DDX10: variants seen among roughly 807,000 people sequenced by gnomAD.
DDX10 encodes the protein probable ATP-dependent RNA helicase DDX10.
In DDX10, 74 loss-of-function variants were observed where a neutral mutation model predicts 104.3. The observed-to-expected ratio is 0.71, with a 90% CI of 0.59 to 0.86. The LOEUF is 0.86. Ranked by LOEUF, DDX10 falls within the 40% of genes least tolerant of loss-of-function variation. DDX10 has a pLI of 0.00. For synonymous variants in DDX10, 351 were observed against 353.4 expected, an observed-to-expected ratio of 0.99 and a Z score of 0.08; for missense variants, 952 against 1,040.0, an observed-to-expected ratio of 0.92 and a Z score of 1.16.
At chr11:108,669,169 CT>C (rs2094213891) in intron 1 of DDX10, among the ~76,000 whole-genome samples, 1 of 151,672 alleles carries the variant, frequency 6.6e-6, no homozygotes, top group Admixed American at 6.6e-5. Flanking sequence ...TCATGGCTCA[CT>C]GTAGCCTTGA....
Position 108,688,964 on chromosome 11 carries a change from A to G in DDX10, c.877A>G (p.Ile293Val), listed in dbSNP as rs138543405. The change falls in exon 7 of 18, where the codon ATA becomes GTA. Residue 293 changes from isoleucine to valine, a missense_variant. Ile to Val is a conservative substitution (Grantham distance 29). Around this residue, in one of 3 missense-constraint regions of DDX10, gnomAD observed 412 missense variants for 479.2 expected, o/e 0.86. Coordinates refer to ENST00000322536, the MANE Select transcript of DDX10 (RefSeq NM_004398.4). ...STPATLEQNY[I>V]VCELQQKISV... ...CCCTGCCACTTTGGAACAGAACTAC[A>G]TAGTCTGTGAGCTGCAGCAAAAAAT... is the stretch of plus-strand genomic sequence containing the variant. 67 of 1,613,998 alleles carry G rather than the reference A, an allele frequency of 4.2e-5. 1 individual carries two copies. In the African/African-American group the frequency reaches 8.0e-4, roughly 19 times the overall value.
intron 13 of DDX10, among the ~76,000 whole-genome samples, chr11:108,774,210 G>A (rs543516691): frequency 1.3e-5 from 2 of 152,202 alleles, no homozygotes; most frequent in Non-Finnish European, 2.9e-5. Context: ...GTTTTGCCTT[G>A]GTTTATTGTA....
intron 13 of DDX10, among the ~76,000 whole-genome samples, chr11:108,793,151 C>T (rs969104161): frequency 6.6e-6 from 1 of 152,164 alleles, no homozygotes; most frequent in African/African-American, 2.4e-5. Flanking sequence ...TCTAATTACT[C>T]TCTCTGTTGG....
chr11:108,826,691 C>T (rs1187272469), intron 13 of DDX10, among the ~76,000 whole-genome samples: 3 of 152,132 alleles, frequency 2.0e-5, no homozygotes, highest in Admixed American at 1.3e-4. Flanking sequence ...TGCAGCAGGG[C>T]CACAAAGATG....
At chr11:108,885,302 A>G (rs1218072428) in intron 16 of DDX10, among the ~76,000 whole-genome samples, 1 of 151,332 alleles carries the variant, frequency 6.6e-6, no homozygotes, top group African/African-American at 2.4e-5. Context: ...CAATACATGT[A>G]ACCTCACAGT....
rs1864098298 is a variant in DDX10, at chr11:108,940,664, TTC to T, written c.*243_*244del. 4 of 356,744 alleles carry T rather than the reference TTC, an allele frequency of 1.1e-5. No individual in the cohort carries two copies. In the South Asian group the frequency reaches 2.7e-4, roughly 24 times the overall value. The allele number at this position is 356,744 out of a possible 1,614,324, so 22.1% of individuals were successfully genotyped here. A position where few individuals can be genotyped will look rare whatever the true frequency, so the allele number is the denominator to read the frequency against. ...TCCTGACCCCGTTTTCCAGCATGTG[TTC>T]TGTTAGATTTTTATCCATGGGTTCC... On this transcript the variant is annotated 3_prime_UTR_variant, in exon 18 of 18. Coordinates refer to ENST00000322536, the MANE Select transcript of DDX10 (RefSeq NM_004398.4).
intron 16 of DDX10, among the ~76,000 whole-genome samples, chr11:108,857,723 G>A (rs920018782): frequency 2.6e-5 from 4 of 152,240 alleles, no homozygotes; most frequent in Admixed American, 6.5e-5. Flanking sequence ...CATACAGCTA[G>A]GAAATGGCAG....
At chr11:108,771,182 C>T (rs988014202) in intron 13 of DDX10, among the ~76,000 whole-genome samples, 5 of 152,034 alleles carry the variant, frequency 3.3e-5, no homozygotes, top group African/African-American at 9.7e-5. Flanking sequence ...CTCTTTTGCT[C>T]ATATTTTGAT....
chr11:108,883,515 A>G (rs1337695962), intron 16 of DDX10, among the ~76,000 whole-genome samples: 7 of 151,986 alleles, frequency 4.6e-5, no homozygotes, highest in Admixed American at 2.0e-4. Context: ...TCTTTACCAG[A>G]TCTTCTTATT....
intron 13 of DDX10, among the ~76,000 whole-genome samples, chr11:108,760,692 T>C (rs1041467896): frequency 6.6e-6 from 1 of 150,804 alleles, no homozygotes; most frequent in South Asian, 2.1e-4. Context: ...TTTTTTTTTT[T>C]AAATTGGACT....
At chr11:108,792,957 T>C (rs1861890728) in intron 13 of DDX10, among the ~76,000 whole-genome samples, 2 of 152,224 alleles carry the variant, frequency 1.3e-5, no homozygotes, top group African/African-American at 4.8e-5. Context: ...GTTAAATTTA[T>C]GTGGTAGCCA....
intron 16 of DDX10, among the ~76,000 whole-genome samples, chr11:108,900,106 C>T (rs973154441): frequency 6.8e-6 from 1 of 148,126 alleles, no homozygotes; most frequent in Admixed American, 6.7e-5. Context: ...GAGCAAAACT[C>T]TGTCTCAAAA....
rs554249307 is a variant in DDX10 at position 108,896,863 on chromosome 11, T to TG, written c.2305-21004dup. 2.0e-5 allele frequency among the ~76,000 whole-genome samples: 3 copies of TG among 151,422 alleles called. No homozygotes were observed. In the South Asian group the frequency reaches 6.3e-4, roughly 32 times the overall value. Reference sequence around the variant, plus strand: ...TAAGAAACTAAGTGTTTCAGTTGACTGGGGGGAAAAAAAATCCCTGTAGAG... The same window carrying TG: ...TAAGAAACTAAGTGTTTCAGTTGACTGGGGGGGAAAAAAAATCCCTGTAGAG... On this transcript the variant is annotated intron_variant, in intron 16 of 17. Coordinates refer to ENST00000322536, the MANE Select transcript of DDX10 (RefSeq NM_004398.4).
intron 6 of DDX10, among the ~76,000 whole-genome samples, chr11:108,682,022 G>A (rs775801284): frequency 6.6e-6 from 1 of 151,846 alleles, no homozygotes; most frequent in African/African-American, 2.4e-5. Context: ...TTTGTAATAC[G>A]AGTAGCAAAA....
intron 3 of DDX10, among the ~76,000 whole-genome samples, chr11:108,676,767 G>A (rs1326220393): frequency 6.6e-6 from 1 of 152,122 alleles, no homozygotes; most frequent in Non-Finnish European, 1.5e-5. Flanking sequence ...TGGTTATTTA[G>A]AAAATGATAA....
intron 16 of DDX10, among the ~76,000 whole-genome samples, chr11:108,869,623 C>T (rs572112914): frequency 1.3e-5 from 2 of 152,088 alleles, no homozygotes; most frequent in East Asian, 1.9e-4. Context: ...GTGGATTATT[C>T]ATGTTTACAA....
chr11:108,771,965 C>T (rs1277062830), intron 13 of DDX10, among the ~76,000 whole-genome samples: 2 of 152,170 alleles, frequency 1.3e-5, no homozygotes, highest in East Asian at 1.9e-4. Context: ...GCTCTGCTAA[C>T]GGTACTGGTT....
intron 16 of DDX10, among the ~76,000 whole-genome samples, chr11:108,911,556 C>CTTTTTTT (rs869132450): frequency 7.9e-5 from 5 of 63,690 alleles, no homozygotes; most frequent in African/African-American, 3.4e-4. Flanking sequence ...GCCTCCTCTT[C>CTTTTTTT]TTTTTTTTTT....
intron 14 of DDX10, 96 bp downstream of exon 14, chr11:108,838,661 TG>T: frequency 4.4e-6 from 6 of 1,350,002 alleles, no homozygotes; most frequent in Non-Finnish European, 6.0e-6. Context: ...ATAGAGTAAA[TG>T]TTTCTCTACA....
Sources: gnomAD v4.1 joint callset for allele counts (sites outside exome capture counted in the v4.1 genomes callset) on GRCh38, gnomAD v4.1.1 for gene constraint, gnomAD v4.1.1 regional missense constraint, MANE v1.5 for transcripts, NCBI Gene and HGNC (gene_info 2026-07-23, HGNC 2026-07-21) for gene names.